DPP6: variants seen among roughly 807,000 people sequenced by gnomAD.
The protein encoded by DPP6 is A-type potassium channel modulatory protein DPP6.
DPP6 carries 69 observed loss-of-function variants against 122.6 expected under a neutral mutation model. The observed-to-expected ratio is 0.56, with a 90% CI of 0.46 to 0.69. The LOEUF is 0.69. Among genes scored for constraint, DPP6 ranks in the 30% least tolerant of loss-of-function variants. The pLI is 0.00. For synonymous variants in DPP6, 418 were observed against 433.1 expected, an observed-to-expected ratio of 0.97 and a Z score of 0.43; for missense variants, 928 against 1,116.9, an observed-to-expected ratio of 0.83 and a Z score of 2.41.
chr7:154,471,481 C>A (rs970615814), intron 2 of DPP6, among the ~76,000 whole-genome samples: 1 of 152,002 alleles, frequency 6.6e-6, no homozygotes, highest in South Asian at 2.1e-4. Flanking sequence ...TACATGGAGT[C>A]CCTGCCTGAA....
At chr7:153,996,489 G>A (rs964516506) in intron 1 of DPP6, among the ~76,000 whole-genome samples, 2 of 151,426 alleles carry the variant, frequency 1.3e-5, no homozygotes, top group African/African-American at 4.9e-5. Context: ...TTCCATGTCT[G>A]TCCAATTCCC....
chr7:154,555,290 A>G (rs1829936226), intron 4 of DPP6, among the ~76,000 whole-genome samples: 1 of 152,130 alleles, frequency 6.6e-6, no homozygotes, highest in African/African-American at 2.4e-5. Context: ...GCAGCCATAA[A>G]AAATGATGAG....
intron 1 of DPP6, among the ~76,000 whole-genome samples, chr7:154,339,946 G>A (rs1411348347): frequency 1.3e-5 from 2 of 152,000 alleles, no homozygotes; most frequent in South Asian, 2.1e-4. Context: ...GGGTGCACAC[G>A]CCTGTAATTC....
intron 3 of DPP6, among the ~76,000 whole-genome samples, chr7:154,513,573 G>A (rs1047599762): frequency 2.0e-5 from 3 of 152,164 alleles, no homozygotes; most frequent in African/African-American, 4.8e-5. Context: ...CTCTAGGGGT[G>A]AAGCAAGGAC....
the DPP6 span, among the ~76,000 whole-genome samples, chr7:153,802,157 G>A: frequency 8.5e-3 from 1,290 of 152,308 alleles, 16 homozygotes; most frequent in African/African-American, 0.029. Context: ...GGCTTTCGGA[G>A]TGGGGCACAC....
chr7:154,344,271 G>A (rs1810200868), intron 1 of DPP6, among the ~76,000 whole-genome samples: 1 of 152,050 alleles, frequency 6.6e-6, no homozygotes, highest in Non-Finnish European at 1.5e-5. Context: ...TAACAATAAG[G>A]TAAGAAGTAA....
chr7:154,746,624 C>T (rs1843048585), intron 8 of DPP6, among the ~76,000 whole-genome samples: 2 of 152,076 alleles, frequency 1.3e-5, no homozygotes, highest in Non-Finnish European at 2.9e-5. Context: ...CCACAATCAC[C>T]CAAAAAGCAT....
chr7:154,487,551 G>A (rs532681878), intron 3 of DPP6, among the ~76,000 whole-genome samples: 8 of 152,324 alleles, frequency 5.3e-5, no homozygotes, highest in South Asian at 2.1e-4. Flanking sequence ...CTTTAGTTCC[G>A]TTCCAATTAA....
intron 5 of DPP6, among the ~76,000 whole-genome samples, chr7:154,594,760 G>T (rs1225670733): frequency 6.6e-6 from 1 of 152,128 alleles, no homozygotes; most frequent in African/African-American, 2.4e-5. Flanking sequence ...ACAAGTTTCG[G>T]ACTAATGCAT....
chr7:154,343,096 G>T (rs1308171212), intron 1 of DPP6, among the ~76,000 whole-genome samples: 1 of 152,212 alleles, frequency 6.6e-6, no homozygotes, highest in Non-Finnish European at 1.5e-5. Context: ...CAAATGGATT[G>T]TAAATTGCTA....
At chr7:154,053,123 G>A in intron 1 of DPP6, 60 bp downstream of exon 1, 1 of 999,538 alleles carries the variant, frequency 1.0e-6, no homozygotes, top group South Asian at 4.5e-5. Context: ...CGCGCAGCGA[G>A]ACGCGTCGGC....
At position 154,344,914 on chromosome 7, in the gene DPP6, C is replaced by A. The variant is rs190192586; in HGVS notation, c.244-101300C>A. ...ACAAAAAATAAAAGATGAATAATAACCTCCAAGTGCTGTTGTGGGGATTAA... is the reference window on the plus strand; with the variant it reads ...ACAAAAAATAAAAGATGAATAATAAACTCCAAGTGCTGTTGTGGGGATTAA... On this transcript the variant is annotated intron_variant, in intron 1 of 25. Coordinates refer to ENST00000377770, the MANE Select transcript of DPP6 (RefSeq NM_130797.4). 4.8e-3 allele frequency among the ~76,000 whole-genome samples: 735 copies of A among 152,122 alleles called. 1 individual carries two copies. The highest frequency in any genetic ancestry group is 7.1e-3 in the Non-Finnish European group (483 of 67,978).
At chr7:154,639,644 G>A (rs142967957) in intron 6 of DPP6, among the ~76,000 whole-genome samples, 82 of 152,320 alleles carry the variant, frequency 5.4e-4, no homozygotes, top group African/African-American at 2.0e-3. Flanking sequence ...GAACAAGCTA[G>A]CAAAGCTCAG....
intron 1 of DPP6, among the ~76,000 whole-genome samples, chr7:153,941,766 A>G (rs1282147398): frequency 1.3e-5 from 2 of 152,212 alleles, no homozygotes; most frequent in Non-Finnish European, 2.9e-5. Flanking sequence ...TGCAGTCCCA[A>G]TCTTTTCACT....
At chr7:154,053,760 C>A (rs1429936019) in intron 1 of DPP6, among the ~76,000 whole-genome samples, 2 of 151,874 alleles carry the variant, frequency 1.3e-5, no homozygotes, top group African/African-American at 2.4e-5. Flanking sequence ...GCACCTCTGC[C>A]TTAGACCGTG....
chr7:153,916,071 A>G (rs1478081050), intron 1 of DPP6, among the ~76,000 whole-genome samples: 1 of 150,932 alleles, frequency 6.6e-6, no homozygotes, highest in African/African-American at 2.4e-5. Flanking sequence ...GGTTCACGCC[A>G]TTCTCCTGCC....
chr7:154,287,212 T>C (rs1804912784), intron 1 of DPP6, among the ~76,000 whole-genome samples: 1 of 152,198 alleles, frequency 6.6e-6, no homozygotes, highest in Admixed American at 6.5e-5. Flanking sequence ...AGATGCAAGC[T>C]CACTTAGAAG....
At chr7:154,127,103 T>C (rs1189408327) in intron 1 of DPP6, among the ~76,000 whole-genome samples, 5 of 152,188 alleles carry the variant, frequency 3.3e-5, no homozygotes, top group Non-Finnish European at 7.3e-5. Flanking sequence ...TTTAAAAAAG[T>C]ATTCTCTGTT....
chr7:154,345,902 G>C (rs566993203), intron 1 of DPP6, among the ~76,000 whole-genome samples: 1 of 152,112 alleles, frequency 6.6e-6, no homozygotes, highest in Non-Finnish European at 1.5e-5. Flanking sequence ...TCATTTCTTC[G>C]CATGCAAAGT....
Sources: gnomAD v4.1 joint callset for allele counts (sites outside exome capture counted in the v4.1 genomes callset) on GRCh38, gnomAD v4.1.1 for gene constraint, MANE v1.5 for transcripts, NCBI Gene and HGNC (gene_info 2026-07-23, HGNC 2026-07-21) for gene names.